The following APIP variants were observed in gnomAD, a reference collection of about 807,000 sequenced individuals.
The protein encoded by APIP is APAF1 interacting protein.
Under a neutral mutation model 32.0 loss-of-function variants are expected in APIP, and 32 were observed. That is an observed-to-expected ratio of 1.00 (90% CI 0.76 to 1.34). The LOEUF (loss-of-function observed/expected upper bound fraction) is 1.34, where lower values mean the gene tolerates loss of function less well. Among genes scored for constraint, APIP ranks in the 40% most tolerant of loss-of-function variants. The probability of loss-of-function intolerance (pLI) is 0.00; values close to 1 mark genes in which losing one functional copy is unlikely to be tolerated. For synonymous variants in APIP, 92 were observed against 94.8 expected (o/e 0.97, Z 0.17); for missense variants, 247 against 298.6 (o/e 0.83, Z 1.27).
intron 1 of APIP, among the ~76,000 whole-genome samples, chr11:34,905,625 T>C (rs558827642): frequency 9.2e-5 from 14 of 152,262 alleles, no homozygotes; most frequent in Non-Finnish European, 1.5e-4. Flanking sequence ...ATACTTGTAA[T>C]TGATGTTAGT....
At chr11:34,911,858 C>T (rs1304297795) in intron 1 of APIP, among the ~76,000 whole-genome samples, 1 of 152,102 alleles carries the variant, frequency 6.6e-6, no homozygotes. Flanking sequence ...ACTTTGTCAT[C>T]CCCTAATGGA....
intron 1 of APIP, among the ~76,000 whole-genome samples, chr11:34,897,932 G>T (rs947933404): frequency 1.3e-5 from 2 of 151,938 alleles, no homozygotes; most frequent in Non-Finnish European, 2.9e-5. Flanking sequence ...CTGTTTTCCC[G>T]CTCCACTTGG....
chr11:34,913,686 G>A (rs1474608245), intron 1 of APIP, among the ~76,000 whole-genome samples: 2 of 152,312 alleles, frequency 1.3e-5, no homozygotes, highest in East Asian at 1.9e-4. Flanking sequence ...AGGTGACCGA[G>A]GGGGGTTGCC....
chr11:34,909,532 T>G (rs1853510729), intron 1 of APIP, among the ~76,000 whole-genome samples: 1 of 152,122 alleles, frequency 6.6e-6, no homozygotes, highest in Non-Finnish European at 1.5e-5. Context: ...GTGTGATGAA[T>G]GAGTACGTGT....
chr11:34,915,467 G>A (rs1052392320), intron 1 of APIP, among the ~76,000 whole-genome samples: 3 of 152,146 alleles, frequency 2.0e-5, no homozygotes, highest in Non-Finnish European at 4.4e-5. Context: ...GGGGAATAAG[G>A]AAACTAATTT....
chr11:34,898,923 C>T (rs920628204), intron 1 of APIP, among the ~76,000 whole-genome samples: 20 of 151,220 alleles, frequency 1.3e-4, no homozygotes, highest in Admixed American at 4.6e-4. Flanking sequence ...CTCAGCCTCC[C>T]GAGTAGCTGG....
chr11:34,906,065 CT>C (rs1216043693), intron 1 of APIP, among the ~76,000 whole-genome samples: 1 of 152,142 alleles, frequency 6.6e-6, no homozygotes, highest in African/African-American at 2.4e-5. Flanking sequence ...AAGGATGCCC[CT>C]ATTATATGTA....
Position 34,895,019 on chromosome 11 carries a change from A to G in APIP, c.149T>C (p.Leu50Ser). 1.2e-6 allele frequency: 2 copies of G among 1,613,974 alleles called. No individual in the cohort carries two copies. Among genetic ancestry groups the G allele is most frequent in the East Asian group, 4.5e-5 (2 of 44,880 alleles). ...GCTGCCAGAAACTTACCCATGCTTC[A>G]AGCTAATTCCTCCTCCAGTCCCAGT... is the stretch of plus-strand genomic sequence containing the variant. ...WVTGTGGGIS[L>S]KHGDEIYIAP... The change falls in exon 2 of 7, where the codon TTG becomes TCG. Residue 50 changes from leucine (L) to serine (S), a missense_variant. Coordinates refer to ENST00000395787, the MANE Select transcript of APIP (RefSeq NM_015957.4).
In APIP at chr11:34,888,363, G is replaced by A. The variant is rs200417952; in HGVS notation, c.391C>T (p.Arg131Trp). Reference sequence around the variant, plus strand: ...TCTTGATGTGTAATTTTAAACTCCCGTCCTGGAAAGAGAAGTGTGGCCATC... The same window carrying A: ...TCTTGATGTGTAATTTTAAACTCCCATCCTGGAAAGAGAAGTGTGGCCATC... ...AVMATLLFPG[R>W]EFKITHQEMI... is the part of the protein sequence containing the mutation. The change falls in exon 5 of 7, where the codon CGG (arginine) becomes TGG (tryptophan). Residue 131 changes from arginine to tryptophan, a missense_variant. By Grantham distance (101) the Arg-to-Trp change is moderately radical. Coordinates refer to ENST00000395787, the MANE Select transcript of APIP (RefSeq NM_015957.4). 6.5e-5 allele frequency: 104 copies of A among 1,610,452 alleles called. 1 individual carries two copies. Among genetic ancestry groups the A allele is most frequent in the South Asian group, 2.4e-4 (22 of 90,140 alleles).
At chr11:34,885,460 A>G (rs1161695177) in intron 5 of APIP, among the ~76,000 whole-genome samples, 1 of 152,072 alleles carries the variant, frequency 6.6e-6, no homozygotes, top group African/African-American at 2.4e-5. Context: ...GATAAAAACA[A>G]GAGAGTACGT....
chr11:34,885,281 C>T (rs996728657), intron 5 of APIP, among the ~76,000 whole-genome samples: 2 of 147,640 alleles, frequency 1.4e-5, no homozygotes, highest in Non-Finnish European at 3.0e-5. Flanking sequence ...ATACATATAA[C>T]TATACATATA....
chr11:34,916,137 C>G, intron 1 of APIP, 91 bp downstream of exon 1: 2 of 1,510,272 alleles, frequency 1.3e-6, no homozygotes, highest in Non-Finnish European at 1.8e-6. Context: ...GCTAAACGCC[C>G]GGCCCGCTAC....
At chr11:34,883,571 T>C in intron 5 of APIP, 67 bp from the exon 6 acceptor site, 1 of 1,506,820 alleles carries the variant, frequency 6.6e-7, no homozygotes, top group East Asian at 2.3e-5. Flanking sequence ...ATACAACATG[T>C]AATTTTTTCA....
At chr11:34,887,585 T>C (rs1853100531) in intron 5 of APIP, among the ~76,000 whole-genome samples, 1 of 152,170 alleles carries the variant, frequency 6.6e-6, no homozygotes, top group Admixed American at 6.5e-5. Flanking sequence ...ACTGGCACCG[T>C]TTTCCTCTAA....
chr11:34,916,151 G>T, intron 1 of APIP, 77 bp downstream of exon 1: 1 of 1,545,986 alleles, frequency 6.5e-7, no homozygotes, highest in Non-Finnish European at 8.7e-7. Context: ...CCGCTACCCT[G>T]CGCCCAGCTC....
chr11:34,914,879 C>T (rs557657778), intron 1 of APIP, among the ~76,000 whole-genome samples: 8 of 152,024 alleles, frequency 5.3e-5, no homozygotes, highest in Non-Finnish European at 7.4e-5. Flanking sequence ...TGACATGCGC[C>T]TGTAATCCCA....
chr11:34,883,702 G>A (rs1192246402), intron 5 of APIP, among the ~76,000 whole-genome samples, 198 bp from the exon 6 acceptor site: 1 of 152,094 alleles, frequency 6.6e-6, no homozygotes, highest in Non-Finnish European at 1.5e-5. Context: ...TTGGGAATGT[G>A]GCAGGCTTGG....
intron 1 of APIP, among the ~76,000 whole-genome samples, chr11:34,915,016 A>G (rs1853640441): frequency 6.7e-6 from 1 of 150,330 alleles, no homozygotes; most frequent in African/African-American, 2.5e-5. Flanking sequence ...AAAAAAAAAA[A>G]AAAAAAAAAA....
intron 1 of APIP, among the ~76,000 whole-genome samples, chr11:34,901,812 C>T (rs1372406789): frequency 1.3e-5 from 2 of 152,162 alleles, no homozygotes; most frequent in African/African-American, 2.4e-5. Context: ...AAGGATAGGT[C>T]GAGCTATAAC....
Sources: allele counts gnomAD v4.1 joint callset (sites outside exome capture counted in the v4.1 genomes callset), GRCh38; gene constraint gnomAD v4.1.1; transcripts MANE v1.5; gene names NCBI Gene and HGNC (gene_info 2026-07-23, HGNC 2026-07-21).